RNF39: variants seen among roughly 807,000 people sequenced by gnomAD.
The protein encoded by RNF39 is ring finger protein 39.
In RNF39, 25 loss-of-function variants were observed where a neutral mutation model predicts 29.2. That is an observed-to-expected ratio of 0.86 (90% CI 0.62 to 1.20). RNF39 has a LOEUF of 1.20. RNF39 is among the 50% of genes most tolerant of loss of function. The probability of loss-of-function intolerance (pLI) is 0.00; values close to 1 mark genes in which losing one functional copy is unlikely to be tolerated. For missense variants in RNF39, 519 were observed against 515.0 expected (o/e 1.01, Z -0.08); for synonymous variants, 219 against 229.0 (o/e 0.96, Z 0.40).
In RNF39 at chr6:30,071,296, G is replaced by T. The variant is rs540860670; in HGVS notation, c.874C>A (p.Pro292Thr). ...PEPTLLGGVE[P>T]PPRRIRVDLD... ...TCCACGCGAATGCGCCGCGGCGGGG[G>T]CTCAACACCGCCCAGCAGGGTGGGT... is the stretch of plus-strand genomic sequence containing the variant. Residue 292 changes from proline (P) to threonine (T), a missense_variant, in exon 4 of 4, where the codon CCC (proline) becomes ACC (threonine). Coordinates refer to ENST00000244360, the MANE Select transcript of RNF39 (RefSeq NM_025236.4). The surrounding 1 kb of genome is among the most constrained non-coding windows in gnomAD (Gnocchi z 5.0). 8.0e-6 allele frequency: 12 copies of T among 1,500,488 alleles called. No homozygotes were observed. The highest frequency in any genetic ancestry group is 7.0e-5 in the East Asian group (3 of 42,764). 92.9% of individuals were successfully genotyped at this position (1,500,488 alleles called of 1,614,324 possible).
rs758342650 is a variant in RNF39 at position 30,075,550 on chromosome 6, C to G, written c.36G>C (p.Glu12Asp). The change falls in exon 1 of 4, where the codon GAG becomes GAC. Residue 12 changes from glutamate to aspartate, a missense_variant. By Grantham distance (45) the Glu-to-Asp change is conservative (BLOSUM62 2). Coordinates refer to ENST00000244360, the MANE Select transcript of RNF39 (RefSeq NM_025236.4). The part of the protein sequence containing the change: ...DAPELGPGLV[E>D]RLEQLATCPL... Reference sequence around the variant, plus strand: ...GACACGTCGCCAGCTGCTCCAGACGCTCCACCAGCCCCGGGCCCAGCTCGG... The same window carrying G: ...GACACGTCGCCAGCTGCTCCAGACGGTCCACCAGCCCCGGGCCCAGCTCGG... The G allele has an allele frequency of 2.5e-6, 4 of 1,599,956 alleles. No homozygotes were observed. Among genetic ancestry groups the G allele is most frequent in the Non-Finnish European group, 2.6e-6 (3 of 1,175,656 alleles).
chr6:30,071,629 TGCGGCGGTCG>T lies in RNF39; in HGVS notation c.531_540del (p.Asp178AlafsTer78). 6.9e-7 allele frequency: 1 copy of T among 1,439,720 alleles called. No individual in the cohort carries two copies. The highest frequency in any genetic ancestry group is 9.1e-7 in the Non-Finnish European group (1 of 1,103,112). The allele number at this position is 1,439,720 out of a possible 1,614,324, so 89.2% of individuals were successfully genotyped here. ...GTCCCTGGTGGGGCCAGTTGTACGC[TGCGGCGGTCG>T]GCGGAGATGAGCAGGCGGCGGTGTG... On this transcript the variant is annotated frameshift_variant, in exon 4 of 4. Transcript: ENST00000244360. LOFTEE classifies it high-confidence loss of function. The surrounding 1 kb of genome is among the most constrained non-coding windows in gnomAD (Gnocchi z 5.0).
In RNF39 at chr6:30,075,755, CAG is replaced by C. The variant is rs759961602; in HGVS notation, c.-172_-171del. On this transcript the variant is annotated 5_prime_UTR_variant, in exon 1 of 4. Coordinates refer to ENST00000244360, the MANE Select transcript of RNF39 (RefSeq NM_025236.4). ...TCCTGGGATTGCCTCTCTCTTCAAC[CAG>C]AGTCTCAGTCTCGTCAAATCTCTCC... The C allele has an allele frequency of 2.5e-6, 4 of 1,614,262 alleles. No homozygotes were observed. The highest frequency in any genetic ancestry group is 3.4e-6 in the Non-Finnish European group (4 of 1,180,056).
chr6:30,073,298 C>T (rs758737754), intron 2 of RNF39, 50 bp from the exon 3 acceptor site: 1 of 1,487,730 alleles, frequency 6.7e-7, no homozygotes, highest in Non-Finnish European at 9.4e-7. Context: ...GATCCTAATG[C>T]CCCCACGCAT....
chr6:30,075,320 C>A lies in RNF39; in HGVS notation c.266G>T (p.Arg89Leu). 6.3e-7 allele frequency: 1 copy of A among 1,592,880 alleles called. No individual in the cohort carries two copies. Among genetic ancestry groups the A allele is most frequent in the Non-Finnish European group, 8.5e-7 (1 of 1,172,282 alleles). ...CTCAGCCAGCTTCTCTCGCAGCTCG[C>A]GGCTGATTCGCACCTCCACCGCCAG... ...VRLAVEVRIS[R>L]ELREKLAEPG... The change falls in exon 1 of 4, where the codon CGC becomes CTC. Residue 89 changes from arginine (R) to leucine (L), a missense_variant. Transcript: ENST00000244360.
rs555525340 is a variant in RNF39, at chr6:30,072,190, C to A, written c.479-499G>T. On this transcript the variant is annotated intron_variant, in intron 3 of 3. Transcript: ENST00000244360. The surrounding 1 kb of genome is among the most constrained non-coding windows in gnomAD (Gnocchi z 4.5). ...AGGAATCCAAGGTATCCTGAGAAACCAGCCCACCCACCCACAGGAATTGGG... is the reference window on the plus strand; with the variant it reads ...AGGAATCCAAGGTATCCTGAGAAACAAGCCCACCCACCCACAGGAATTGGG... Among the ~76,000 whole-genome samples the A allele has an allele frequency of 6.6e-6, 1 of 152,188 alleles. No homozygotes were observed. The highest frequency in any genetic ancestry group is 2.4e-5 in the African/African-American group (1 of 41,532).
Position 30,070,750 on chromosome 6 carries a change from T to G in RNF39, c.*361A>C. ...GAGTGGCAAGAGTGGGAGTCAAGTA[T>G]TTGACCAGCAGAGCCTCTATGTAGG... On this transcript the variant is annotated 3_prime_UTR_variant, in exon 4 of 4. Coordinates refer to ENST00000244360, the MANE Select transcript of RNF39 (RefSeq NM_025236.4). 2.0e-6 allele frequency: 1 copy of G among 507,802 alleles called. No individual in the cohort carries two copies. Among genetic ancestry groups the G allele is most frequent in the African/African-American group, 1.9e-5 (1 of 52,284 alleles). 31.5% of individuals were successfully genotyped at this position (507,802 alleles called of 1,614,324 possible). A position where few individuals can be genotyped will look rare whatever the true frequency, so the allele number is the denominator to read the frequency against.
rs931303451 is a variant in RNF39 at position 30,075,559 on chromosome 6, C to T, written c.27G>A (p.Gly9=). 5.0e-6 allele frequency: 8 copies of T among 1,603,654 alleles called. No homozygotes were observed. Among genetic ancestry groups the T allele is most frequent in the African/African-American group, 1.3e-5 (1 of 74,844 alleles). ...CCAGCTGCTCCAGACGCTCCACCAGCCCCGGGCCCAGCTCGGGCGCATCCA... is the reference window on the plus strand; with the variant it reads ...CCAGCTGCTCCAGACGCTCCACCAGTCCCGGGCCCAGCTCGGGCGCATCCA... The part of the protein sequence containing the change: MDAPELGP[G]LVERLEQLAT... Residue 9 remains glycine (G), a synonymous_variant, in exon 1 of 4, where the codon GGG becomes GGA. Coordinates refer to ENST00000244360, the MANE Select transcript of RNF39 (RefSeq NM_025236.4).
rs577656142 is a variant in RNF39 at position 30,071,125 on chromosome 6, G to C, written c.1045C>G (p.Pro349Ala). The change falls in exon 4 of 4, where the codon CCA (proline) becomes GCA (alanine). Residue 349 changes from proline (P) to alanine (A), a missense_variant. Physicochemically the swap from Pro to Ala is conservative, Grantham distance 27 (BLOSUM62 -1). Coordinates refer to ENST00000244360, the MANE Select transcript of RNF39 (RefSeq NM_025236.4). The surrounding 1 kb of genome is among the most constrained non-coding windows in gnomAD (Gnocchi z 5.0). ...CDPRAPLRIVPAES is the reference protein window; with the variant it reads ...CDPRAPLRIVAAES The stretch of plus-strand genomic sequence containing the variant: ...GGAGACGAGACTCAGCTTTCCGCTG[G>C]TACAATGCGGAGCGGAGCACGAGGG... 643 of 1,559,454 alleles carry C rather than the reference G, an allele frequency of 4.1e-4. 1 individual carries two copies. The Middle Eastern group carries it at 6.8e-3, about 16-fold the overall frequency.
intron 1 of RNF39, 27 bp from the exon 2 acceptor site, chr6:30,073,505 T>C: frequency 1.2e-6 from 2 of 1,612,518 alleles, no homozygotes; most frequent in East Asian, 4.5e-5. Flanking sequence ...CAAACATGGA[T>C]GTGAGCTCTG....
In RNF39 at chr6:30,070,853, G is replaced by A; in HGVS notation, c.*258C>T. On this transcript the variant is annotated 3_prime_UTR_variant, in exon 4 of 4. Coordinates refer to ENST00000244360, the MANE Select transcript of RNF39 (RefSeq NM_025236.4). Reference sequence around the variant, plus strand: ...GCCTAGAATGGTTTGAATGGGAGAAGTCAGGAAGTACTGTAGTAGCTGTAG... The same window carrying A: ...GCCTAGAATGGTTTGAATGGGAGAAATCAGGAAGTACTGTAGTAGCTGTAG... 2.9e-6 allele frequency: 2 copies of A among 689,802 alleles called. No homozygotes were observed. The highest frequency in any genetic ancestry group is 2.8e-5 in the East Asian group (1 of 36,148). The allele number at this position is 689,802 out of a possible 1,614,324, so 42.7% of individuals were successfully genotyped here.
rs1766051438 is a variant in RNF39 at position 30,072,253 on chromosome 6, G to A, written c.479-562C>T. ...CAGTCCTATTTCTGTAGGGGTTGTG[G>A]GGCAGAGGAGGAGAGCAGGTGGTGA... On this transcript the variant is annotated intron_variant, in intron 3 of 3. Transcript: ENST00000244360. The surrounding 1 kb of genome is among the most constrained non-coding windows in gnomAD (Gnocchi z 4.5). Among the ~76,000 whole-genome samples, 1 of 152,070 alleles carries A rather than the reference G, an allele frequency of 6.6e-6. No individual in the cohort carries two copies. Among genetic ancestry groups the A allele is most frequent in the African/African-American group, 2.4e-5 (1 of 41,406 alleles).
chr6:30,070,799 T>G lies in RNF39; in HGVS notation c.*312A>C. 1.6e-6 allele frequency: 1 copy of G among 621,104 alleles called. No individual in the cohort carries two copies. Among genetic ancestry groups the G allele is most frequent in the South Asian group, 1.5e-5 (1 of 66,074 alleles). The allele number at this position is 621,104 out of a possible 1,614,324, so 38.5% of individuals were successfully genotyped here. ...GGAATCATGGTCACTTTACCAATAC[T>G]GATGGGGAGGGCCTGTTCCCCATTG... On this transcript the variant is annotated 3_prime_UTR_variant, in exon 4 of 4. Coordinates refer to ENST00000244360, the MANE Select transcript of RNF39 (RefSeq NM_025236.4).
chr6:30,074,719 C>A lies in RNF39; in HGVS notation c.363+504G>T, dbSNP rs1191082245. On this transcript the variant is annotated intron_variant, in intron 1 of 3. Coordinates refer to ENST00000244360, the MANE Select transcript of RNF39 (RefSeq NM_025236.4). This position sits in a 1 kb window ranked among gnomAD's most constrained non-coding sequence, Gnocchi z 4.1. Reference sequence around the variant, plus strand: ...TCCGCCCCCAACCCACCAGCCCAGCCTCCTGCTCCCGCTCCTCTAAGCAGG... The same window carrying A: ...TCCGCCCCCAACCCACCAGCCCAGCATCCTGCTCCCGCTCCTCTAAGCAGG... Among the ~76,000 whole-genome samples the A allele has an allele frequency of 1.3e-5, 2 of 151,950 alleles. No homozygotes were observed. Among genetic ancestry groups the A allele is most frequent in the Admixed American group, 1.3e-4 (2 of 15,260 alleles).
At position 30,074,661 on chromosome 6, in the gene RNF39, C is replaced by T. The variant is rs751369283; in HGVS notation, c.363+562G>A. ...CCAACCCCTTGCTCCCTTCCTCCAT[C>T]CTCTTGTCAGTCCCCTCCTCCCCAG... On this transcript the variant is annotated intron_variant, in intron 1 of 3. Transcript: ENST00000244360. This position sits in a 1 kb window ranked among gnomAD's most constrained non-coding sequence, Gnocchi z 4.1. Among the ~76,000 whole-genome samples, 14 of 152,006 alleles carry T rather than the reference C, an allele frequency of 9.2e-5. No homozygotes were observed. The highest frequency in any genetic ancestry group is 1.9e-4 in the Non-Finnish European group (13 of 67,946).
rs561586111 is a variant in RNF39, at chr6:30,075,439, C to T, written c.147G>A (p.Gly49=). The T allele has an allele frequency of 2.9e-5, 45 of 1,553,468 alleles. No individual in the cohort carries two copies. Among genetic ancestry groups the T allele is most frequent in the Non-Finnish European group, 3.6e-5 (42 of 1,152,118 alleles). The change falls in exon 1 of 4, where the codon GGG becomes GGA. Residue 49 remains glycine (G), a synonymous_variant. Coordinates refer to ENST00000244360, the MANE Select transcript of RNF39 (RefSeq NM_025236.4). ...FCRACLARRW[G]TPPATGTEAS... is the part of the protein sequence containing the mutation. ...CCTCGGTGCCGGTCGCCGGCGGAGT[C>T]CCCCAGCGGCGGGCCAGACACGCGC... is the stretch of plus-strand genomic sequence containing the variant.
chr6:30,075,295 C>A lies in RNF39; in HGVS notation c.291G>T (p.Glu97Asp). Residue 97 changes from glutamate to aspartate, a missense_variant, in exon 1 of 4, where the codon GAG becomes GAT. Glu to Asp is a conservative substitution (Grantham distance 45). Transcript: ENST00000244360. ...GGCGTCTCCCCGCACGGGCCCCAGG[C>A]TCAGCCAGCTTCTCTCGCAGCTCGC... ...ISRELREKLA[E>D]PGARAGRRRG... 1 of 1,599,148 alleles carries A rather than the reference C, an allele frequency of 6.3e-7. No individual in the cohort carries two copies. Among genetic ancestry groups the A allele is most frequent in the Admixed American group, 1.7e-5 (1 of 59,098 alleles).
At position 30,071,409 on chromosome 6, in the gene RNF39, C is replaced by G. The variant is rs1445455887; in HGVS notation, c.761G>C (p.Arg254Pro). The change falls in exon 4 of 4, where the codon CGC becomes CCC. Residue 254 changes from arginine (R) to proline (P), a missense_variant. Physicochemically the swap from Arg to Pro is moderately radical, Grantham distance 103. Coordinates refer to ENST00000244360, the MANE Select transcript of RNF39 (RefSeq NM_025236.4). The surrounding 1 kb of genome is among the most constrained non-coding windows in gnomAD (Gnocchi z 5.0). The part of the protein sequence containing the change: ...AVGAAGESVQ[R>P]KGCVRLCPAG... The stretch of plus-strand genomic sequence containing the variant: ...AGGGCACAGCCTTACGCAGCCCTTG[C>G]GTTGCACTGATTCCCCGGCCGCGCC... The G allele has an allele frequency of 6.7e-7, 1 of 1,495,604 alleles. No homozygotes were observed. Among genetic ancestry groups the G allele is most frequent in the Non-Finnish European group, 8.8e-7 (1 of 1,131,102 alleles). The allele number at this position is 1,495,604 out of a possible 1,614,324, so 92.6% of individuals were successfully genotyped here.
rs11758516 is a variant in RNF39 at position 30,075,709 on chromosome 6, T to C, written c.-124A>G. 0.067 allele frequency: 108,671 copies of C among 1,614,006 alleles called. 5,651 individuals carry two copies. Among genetic ancestry groups the C allele is most frequent in the African/African-American group, 0.21 (16,008 of 74,954 alleles). On this transcript the variant is annotated 5_prime_UTR_variant, in exon 1 of 4. Transcript: ENST00000244360. ...CCTTCTCTCCGACTCCCGCATTAAC[T>C]TTTGCCGCTTTCCGCCCCTCTCCTG...
Sources: gnomAD v4.1 joint callset for allele counts (sites outside exome capture counted in the v4.1 genomes callset) on GRCh38, gnomAD v4.1.1 for gene constraint, Gnocchi (gnomAD v3.1) non-coding constraint, MANE v1.5 for transcripts, NCBI Gene and HGNC (gene_info 2026-07-23, HGNC 2026-07-21) for gene names.